TENM2: variants seen among roughly 807,000 people sequenced by gnomAD.
TENM2 encodes teneurin-2.
TENM2 carries 52 observed loss-of-function variants against 245.2 expected under a neutral mutation model. The ratio of observed to expected loss-of-function variants is 0.21; its 90% CI spans 0.17 to 0.27. The LOEUF (loss-of-function observed/expected upper bound fraction) is 0.27. Ranked by LOEUF, TENM2 falls within the 10% of genes least tolerant of loss-of-function variation. TENM2 has a pLI of 1.00. For missense variants in TENM2, 3,046 were observed against 3,666.8 expected, an observed-to-expected ratio of 0.83 and a Z score of 4.37; for synonymous variants, 1,363 against 1,438.9, an observed-to-expected ratio of 0.95 and a Z score of 1.19.
At chr5:168,196,138 A>C (rs1217407714) in intron 15 of TENM2, among the ~76,000 whole-genome samples, 1 of 152,178 alleles carries the variant, frequency 6.6e-6, no homozygotes, top group Non-Finnish European at 1.5e-5. Context: ...TCTTGGATGT[A>C]TCACAGAAGT....
At chr5:167,228,809 A>G in the TENM2 span, among the ~76,000 whole-genome samples, 1 of 151,564 alleles carries the variant, frequency 6.6e-6, no homozygotes, top group Non-Finnish European at 1.5e-5. Flanking sequence ...TGTTCACACC[A>G]TTCTCCCACC....
chr5:168,256,482 A>G (rs746579674), intron 27 of TENM2, among the ~76,000 whole-genome samples: 5 of 150,878 alleles, frequency 3.3e-5, no homozygotes, highest in Admixed American at 6.6e-5. Context: ...CTGAAGTGCA[A>G]TGGCACAATC....
chr5:168,050,051 T>G (rs1200400051), intron 6 of TENM2, among the ~76,000 whole-genome samples: 1 of 152,022 alleles, frequency 6.6e-6, no homozygotes, highest in Admixed American at 6.5e-5. Flanking sequence ...AATCCTCCCA[T>G]CTCGGCCCCC....
chr5:167,889,337 T>C (rs752701621), intron 3 of TENM2, among the ~76,000 whole-genome samples: 6 of 152,186 alleles, frequency 3.9e-5, no homozygotes, highest in Non-Finnish European at 5.9e-5. Context: ...GACAGGACTA[T>C]CTTCCTGCAT....
intron 3 of TENM2, among the ~76,000 whole-genome samples, chr5:167,923,005 G>A (rs182789755): frequency 7.2e-5 from 11 of 152,312 alleles, no homozygotes; most frequent in African/African-American, 2.6e-4. Flanking sequence ...CTTCCCCCCA[G>A]TGCCTCTGTC....
At chr5:168,040,166 C>A (rs571696552) in intron 5 of TENM2, among the ~76,000 whole-genome samples, 1 of 152,322 alleles carries the variant, frequency 6.6e-6, no homozygotes, top group Non-Finnish European at 1.5e-5. Context: ...GACAGAAAGC[C>A]TTGCTACTTT....
chr5:167,705,796 C>T (rs1394564750), intron 2 of TENM2, among the ~76,000 whole-genome samples: 1 of 151,760 alleles, frequency 6.6e-6, no homozygotes, highest in African/African-American at 2.4e-5. Context: ...CCTGCAGTTT[C>T]CCATTCCTAC....
intron 3 of TENM2, among the ~76,000 whole-genome samples, chr5:167,883,070 G>A (rs1344520006): frequency 1.3e-5 from 2 of 152,172 alleles, no homozygotes; most frequent in Admixed American, 6.5e-5. Context: ...GTCATGCAAA[G>A]CAGATCCTTG....
At chr5:167,361,924 C>T (rs974799115) in intron 1 of TENM2, among the ~76,000 whole-genome samples, 14 of 152,142 alleles carry the variant, frequency 9.2e-5, no homozygotes, top group African/African-American at 3.4e-4. Flanking sequence ...ACCACTCACC[C>T]CATGTATATA....
At chr5:167,637,564 C>T (rs896594569) in intron 2 of TENM2, among the ~76,000 whole-genome samples, 5 of 152,130 alleles carry the variant, frequency 3.3e-5, no homozygotes, top group Middle Eastern at 3.2e-3. Flanking sequence ...AGACTTGGAA[C>T]CAACCCCAAT....
intron 2 of TENM2, among the ~76,000 whole-genome samples, chr5:167,707,711 C>T (rs1758628152): frequency 6.6e-6 from 1 of 152,200 alleles, no homozygotes; most frequent in South Asian, 2.1e-4. Context: ...AGAATCCTAG[C>T]AAGTCTACCT....
intron 2 of TENM2, among the ~76,000 whole-genome samples, chr5:167,769,845 A>G (rs927494072): frequency 6.6e-6 from 1 of 152,220 alleles, no homozygotes; most frequent in African/African-American, 2.4e-5. Flanking sequence ...GACAATGGCC[A>G]GTGAACCCAG....
At chr5:167,703,682 G>A (rs765357242) in intron 2 of TENM2, among the ~76,000 whole-genome samples, 5 of 152,002 alleles carry the variant, frequency 3.3e-5, no homozygotes, top group Admixed American at 6.6e-5. Context: ...GGAAATGTAC[G>A]GTAGAACCCA....
intron 2 of TENM2, among the ~76,000 whole-genome samples, chr5:167,576,562 G>A (rs1309215843): frequency 6.6e-6 from 1 of 152,072 alleles, no homozygotes; most frequent in Non-Finnish European, 1.5e-5. Context: ...TCTGTTTGCT[G>A]TGTTCCGTTT....
chr5:167,717,654 T>C (rs1056466610), intron 2 of TENM2, among the ~76,000 whole-genome samples: 2 of 152,166 alleles, frequency 1.3e-5, no homozygotes, highest in Non-Finnish European at 2.9e-5. Context: ...GAAGGACTTA[T>C]AGCAAAGGAA....
At chr5:167,179,515 A>T in the TENM2 span, among the ~76,000 whole-genome samples, 1 of 152,106 alleles carries the variant, frequency 6.6e-6, no homozygotes, top group African/African-American at 2.4e-5. Context: ...TAGGATTTAT[A>T]CACTGTAGGC....
At chr5:167,636,127 T>A (rs147380808) in intron 2 of TENM2, among the ~76,000 whole-genome samples, 1 of 152,218 alleles carries the variant, frequency 6.6e-6, no homozygotes, top group Non-Finnish European at 1.5e-5. Context: ...TTAAAATGTT[T>A]AGTTCACCTT....
chr5:168,241,866 G>A (rs1766132205), intron 25 of TENM2, among the ~76,000 whole-genome samples: 1 of 152,166 alleles, frequency 6.6e-6, no homozygotes, highest in African/African-American at 2.4e-5. Flanking sequence ...GCAATAGCAA[G>A]GGTTTAAACA....
At chr5:167,755,103 G>A in intron 2 of TENM2, 5 of 1,599,056 alleles carry the variant, frequency 3.1e-6, no homozygotes, top group Non-Finnish European at 4.2e-6. Context: ...ACAATTGAAT[G>A]CAAGCCAGAT....
Sources: gnomAD v4.1 joint callset for allele counts (sites outside exome capture counted in the v4.1 genomes callset) on GRCh38, gnomAD v4.1.1 for gene constraint, MANE v1.5 for transcripts, NCBI Gene and HGNC (gene_info 2026-07-23, HGNC 2026-07-21) for gene names.